Variants in CTNNA2 observed in about 807,000 individuals in gnomAD.
CTNNA2 encodes the protein catenin alpha-2.
CTNNA2 carries 42 observed loss-of-function variants against 101.0 expected under a neutral mutation model. The ratio of observed to expected loss-of-function variants is 0.42; its 90% CI spans 0.32 to 0.54. The LOEUF is 0.54. Among genes scored for constraint, CTNNA2 ranks in the 20% least tolerant of loss-of-function variants. The pLI is 0.14. For synonymous variants in CTNNA2, 450 were observed against 456.4 expected (o/e 0.99, Z 0.18); for missense variants, 871 against 1,223.1 (o/e 0.71, Z 4.29).
intron 9 of CTNNA2, among the ~76,000 whole-genome samples, chr2:80,421,934 T>C (rs1009252488): frequency 6.6e-6 from 1 of 152,170 alleles, no homozygotes; most frequent in Admixed American, 6.5e-5. Flanking sequence ...TCGGTTTGTA[T>C]ATTGATTTTA....
chr2:79,334,302 G>A (rs541240950), intron 3 of CTNNA2, among the ~76,000 whole-genome samples: 5 of 152,090 alleles, frequency 3.3e-5, no homozygotes, highest in Admixed American at 3.3e-4. Flanking sequence ...AACTATGCTG[G>A]CAGAACCAGA....
chr2:80,333,911 C>T (rs914569718), intron 7 of CTNNA2, among the ~76,000 whole-genome samples: 1 of 152,222 alleles, frequency 6.6e-6, no homozygotes, highest in Admixed American at 6.5e-5. Context: ...GCGCGAGCCA[C>T]CACACCCGGC....
At chr2:80,105,228 G>A (rs374946801) in intron 7 of CTNNA2, among the ~76,000 whole-genome samples, 97 of 152,226 alleles carry the variant, frequency 6.4e-4, no homozygotes, top group African/African-American at 2.1e-3. Flanking sequence ...GTGAGTCATC[G>A]GCTCTCCAGG....
At chr2:79,865,598 T>C (rs1243569353) in intron 4 of CTNNA2, among the ~76,000 whole-genome samples, 1 of 152,194 alleles carries the variant, frequency 6.6e-6, no homozygotes, top group Non-Finnish European at 1.5e-5. Flanking sequence ...GAACACACAG[T>C]GCAGGCAGGG....
chr2:79,628,448 CAA>C (rs113543784), intron 1 of CTNNA2, among the ~76,000 whole-genome samples: 12 of 121,188 alleles, frequency 9.9e-5, no homozygotes, highest in South Asian at 2.7e-4. Context: ...ATGAGACTGT[CAA>C]AAAAAAAAAA....
chr2:79,427,443 CTT>C (rs1343179274), intron 4 of CTNNA2, among the ~76,000 whole-genome samples: 3 of 151,866 alleles, frequency 2.0e-5, no homozygotes, highest in Admixed American at 2.0e-4. Flanking sequence ...ATTTTAATAA[CTT>C]TTAATAAGCT....
intron 11 of CTNNA2, among the ~76,000 whole-genome samples, chr2:80,551,359 G>A (rs916893511): frequency 5.3e-5 from 8 of 152,192 alleles, no homozygotes; most frequent in African/African-American, 1.9e-4. Flanking sequence ...AAAATCAACT[G>A]TATTAGCCAC....
At chr2:80,347,508 T>A (rs1672850136) in intron 7 of CTNNA2, among the ~76,000 whole-genome samples, 1 of 152,116 alleles carries the variant, frequency 6.6e-6, no homozygotes. Flanking sequence ...CCTAATTCAT[T>A]TATATTTGAT....
At chr2:79,490,560 C>T (rs369287575) in intron 4 of CTNNA2, among the ~76,000 whole-genome samples, 4 of 152,174 alleles carry the variant, frequency 2.6e-5, no homozygotes, top group East Asian at 1.9e-4. Flanking sequence ...ACAACATGAC[C>T]GTCCATCTTT....
chr2:79,245,269 G>A (rs1012135946), intron 2 of CTNNA2, among the ~76,000 whole-genome samples: 4 of 152,150 alleles, frequency 2.6e-5, no homozygotes, highest in Admixed American at 2.6e-4. Context: ...TGGCCAACAT[G>A]CGAAATGCCT....
intron 2 of CTNNA2, among the ~76,000 whole-genome samples, chr2:79,725,946 G>A (rs1341563639): frequency 4.6e-5 from 7 of 152,206 alleles, no homozygotes; most frequent in Non-Finnish European, 2.9e-5. Flanking sequence ...CTGGGCATTT[G>A]TCCCTCTGCC....
chr2:80,478,252 T>C (rs373328493), intron 9 of CTNNA2, among the ~76,000 whole-genome samples: 2 of 152,260 alleles, frequency 1.3e-5, no homozygotes, highest in Admixed American at 6.5e-5. Context: ...TTGTTATTGG[T>C]TTATTTTCTC....
chr2:79,663,470 C>T (rs1682182234), intron 2 of CTNNA2, among the ~76,000 whole-genome samples: 1 of 152,176 alleles, frequency 6.6e-6, no homozygotes, highest in African/African-American at 2.4e-5. Context: ...GCCCTTCTTT[C>T]AGTTTCTTGG....
intron 5 of CTNNA2, among the ~76,000 whole-genome samples, chr2:79,872,243 C>T (rs945995445): frequency 1.3e-5 from 2 of 151,788 alleles, no homozygotes; most frequent in Non-Finnish European, 2.9e-5. Flanking sequence ...AGTTTTTTTT[C>T]AACCAATTCT....
At chr2:80,509,110 A>G (rs773484803) in intron 9 of CTNNA2, among the ~76,000 whole-genome samples, 8 of 152,218 alleles carry the variant, frequency 5.3e-5, no homozygotes, top group Non-Finnish European at 1.0e-4. Context: ...CTCTTCTGTG[A>G]TAAAAATAAC....
chr2:79,448,997 T>C (rs1678861344), intron 4 of CTNNA2, among the ~76,000 whole-genome samples: 1 of 151,998 alleles, frequency 6.6e-6, no homozygotes, highest in African/African-American at 2.4e-5. Flanking sequence ...TCAGTAGGTT[T>C]TGATTGAAGC....
chr2:79,308,344 C>T (rs550370286), intron 2 of CTNNA2, among the ~76,000 whole-genome samples: 2 of 152,184 alleles, frequency 1.3e-5, no homozygotes, highest in Non-Finnish European at 2.9e-5. Context: ...CAGCGCCCAG[C>T]CCATTTGTCC....
chr2:80,618,884 A>G lies in CTNNA2; in HGVS notation c.2431-201A>G, dbSNP rs552826698. Reference sequence around the variant, plus strand: ...CTTTATCTGTTCAAGAGCCAATGAGAAATCGAAATGGCCAGGCCGCTTAAT... The same window carrying G: ...CTTTATCTGTTCAAGAGCCAATGAGGAATCGAAATGGCCAGGCCGCTTAAT... On this transcript the variant is annotated intron_variant, in intron 17 of 18. Coordinates refer to ENST00000402739, the MANE Select transcript of CTNNA2 (RefSeq NM_001282597.3). The G allele has an allele frequency of 1.3e-5, 5 of 379,824 alleles. No individual in the cohort carries two copies. In the Admixed American group the frequency reaches 2.2e-4, roughly 17 times the overall value. The allele number at this position is 379,824 out of a possible 1,614,324, so 23.5% of individuals were successfully genotyped here.
chr2:80,109,999 C>T (rs768257577), intron 7 of CTNNA2, among the ~76,000 whole-genome samples: 13 of 152,246 alleles, frequency 8.5e-5, no homozygotes, highest in African/African-American at 2.6e-4. Flanking sequence ...TGATTGTGTG[C>T]GCACTGCGTT....
Sources: gnomAD v4.1 joint callset for allele counts (sites outside exome capture counted in the v4.1 genomes callset) on GRCh38, gnomAD v4.1.1 for gene constraint, MANE v1.5 for transcripts, NCBI Gene and HGNC (gene_info 2026-07-23, HGNC 2026-07-21) for gene names.